Variants in OR2T6 observed in about 807,000 individuals in gnomAD.
OR2T6 encodes the protein olfactory receptor family 2 subfamily T member 6.
For synonymous variants in OR2T6, 174 were observed against 148.0 expected, an observed-to-expected ratio of 1.18 and a Z score of -1.27; for missense variants, 424 against 391.6, an observed-to-expected ratio of 1.08 and a Z score of -0.70.
intron 1 of OR2T6, among the ~76,000 whole-genome samples, chr1:248,383,496 A>C (rs879159520): frequency 3.0e-5 from 2 of 67,146 alleles, no homozygotes; most frequent in Admixed American, 2.8e-4. Context: ...TGCTCATCCT[A>C]TCCTGATGTG....
At chr1:248,381,824 C>G (rs1384569560) in intron 1 of OR2T6, among the ~76,000 whole-genome samples, 3 of 148,018 alleles carry the variant, frequency 2.0e-5, no homozygotes, top group African/African-American at 7.6e-5. Context: ...TTTGTTTCAT[C>G]TACAAAAATA....
At chr1:248,385,581 G>A (rs1661123667) in intron 2 of OR2T6, among the ~76,000 whole-genome samples, 1 of 152,148 alleles carries the variant, frequency 6.6e-6, no homozygotes, top group Admixed American at 6.5e-5. Flanking sequence ...GCATGATCAG[G>A]AAGAATGTTC....
chr1:248,382,517 T>C (rs374091680), intron 1 of OR2T6, among the ~76,000 whole-genome samples: 22 of 146,836 alleles, frequency 1.5e-4, no homozygotes, highest in East Asian at 3.9e-4. Context: ...CAATACTCCA[T>C]GTCTACCTTT....
At chr1:248,385,819 G>T (rs1661128243) in intron 2 of OR2T6, among the ~76,000 whole-genome samples, 1 of 152,136 alleles carries the variant, frequency 6.6e-6, no homozygotes, top group Admixed American at 6.5e-5. Context: ...CTCATTATCA[G>T]CATTCTCTCA....
At chr1:248,377,724 C>A (rs1025579329) in intron 1 of OR2T6, among the ~76,000 whole-genome samples, 4 of 152,162 alleles carry the variant, frequency 2.6e-5, no homozygotes, top group African/African-American at 9.7e-5. Context: ...ATCAGATTCA[C>A]GGATGCTCTG....
intron 1 of OR2T6, among the ~76,000 whole-genome samples, chr1:248,381,653 GTATC>G (rs1661035485): frequency 6.6e-6 from 1 of 151,948 alleles, no homozygotes; most frequent in Non-Finnish European, 1.5e-5. Flanking sequence ...AGATATATAT[GTATC>G]TATCTATTTC....
In OR2T6 at chr1:248,390,204, G is replaced by A. The variant is rs1661224576; in HGVS notation, c.*1669G>A. On this transcript the variant is annotated 3_prime_UTR_variant, in exon 3 of 3. Transcript: ENST00000641644. ...ATAAAATAAAGTCTTTTTCTAAGAT[G>A]GAGTTGGCTACGTCAAGGGTGTTCT... is the stretch of plus-strand genomic sequence containing the variant. The A allele has an allele frequency of 6.6e-6, 1 of 152,166 alleles. No homozygotes were observed. The highest frequency in any genetic ancestry group is 2.4e-5 in the African/African-American group (1 of 41,436). The allele number at this position is 152,166 out of a possible 1,614,324, so 9.4% of individuals were successfully genotyped here.
intron 1 of OR2T6, among the ~76,000 whole-genome samples, chr1:248,376,844 G>A (rs1660946043): frequency 6.6e-6 from 1 of 151,908 alleles, no homozygotes; most frequent in Non-Finnish European, 1.5e-5. Context: ...TTCTGTTGTT[G>A]CCATCTTTAT....
chr1:248,379,664 C>A (rs1660999960), intron 1 of OR2T6, among the ~76,000 whole-genome samples: 1 of 152,010 alleles, frequency 6.6e-6, no homozygotes, highest in Admixed American at 6.6e-5. Context: ...TGAGAGTTTT[C>A]TGTCTTTTGA....
At chr1:248,384,440 C>T (rs1477585318) in intron 1 of OR2T6, among the ~76,000 whole-genome samples, 5 of 64,420 alleles carry the variant, frequency 7.8e-5, no homozygotes, top group African/African-American at 4.5e-4. Context: ...CCTGAGTGTG[C>T]TCATCCTCTC....
intron 2 of OR2T6, among the ~76,000 whole-genome samples, chr1:248,386,528 G>C (rs1661138976): frequency 6.6e-6 from 1 of 151,902 alleles, no homozygotes; most frequent in Non-Finnish European, 1.5e-5. Flanking sequence ...GAGATAAAAA[G>C]AAAAAAACAG....
Position 248,387,784 on chromosome 1 carries a change from TG to T in OR2T6, c.177del (p.Met59IlefsTer25), listed in dbSNP as rs1284258279. ...ATAGACCCTCATCTCCACACCCCCA[TG>T]TACTTCCTCCTCAGCCACCTCTCCG... ...INIDPHLHTP[M>X]YFLLSHLSVI... On this transcript the variant is annotated frameshift_variant, in exon 3 of 3. Transcript: ENST00000641644. LOFTEE classifies it low-confidence loss of function (END_TRUNC). 3 of 1,612,038 alleles carry T rather than the reference TG, an allele frequency of 1.9e-6. No individual in the cohort carries two copies. In the South Asian group the frequency reaches 3.3e-5, roughly 18 times the overall value.
intron 2 of OR2T6, 26 bp from the exon 3 acceptor site, chr1:248,387,579 T>G (rs1227279816): frequency 4.4e-5 from 61 of 1,383,920 alleles, no homozygotes; most frequent in Non-Finnish European, 6.0e-5. Flanking sequence ...CCTGCTTCTC[T>G]TCTTATGCCT....
chr1:248,387,631 T>C lies in OR2T6; in HGVS notation c.23T>C (p.Leu8Ser). 1 of 1,591,222 alleles carries C rather than the reference T, an allele frequency of 6.3e-7. No homozygotes were observed. The highest frequency in any genetic ancestry group is 1.1e-5 in the South Asian group (1 of 89,440). The stretch of plus-strand genomic sequence containing the variant: ...ACCATGAATGAAAACAATGAAACCT[T>C]GACCAGAGGCTTTACCCTCATGGGG... MNENNET[L>S]TRGFTLMGLF... Residue 8 changes from leucine (L) to serine (S), a missense_variant, in exon 3 of 3, where the codon TTG (leucine) becomes TCG (serine). Coordinates refer to ENST00000641644, the MANE Select transcript of OR2T6 (RefSeq NM_001005471.2).
intron 1 of OR2T6, among the ~76,000 whole-genome samples, chr1:248,376,322 A>C (rs948656518): frequency 2.0e-5 from 3 of 152,250 alleles, no homozygotes; most frequent in African/African-American, 7.2e-5. Context: ...TGTTTACTTT[A>C]AGAAGATTTG....
chr1:248,391,301 A>T lies in OR2T6; in HGVS notation c.*2766A>T, dbSNP rs2103074456. On this transcript the variant is annotated 3_prime_UTR_variant, in exon 3 of 3. Coordinates refer to ENST00000641644, the MANE Select transcript of OR2T6 (RefSeq NM_001005471.2). ...TAGTGTTAAAAATAAATGATTTATC[A>T]AGCCATTGGAAGACATGGAGGAAAT... 6.6e-6 allele frequency: 1 copy of T among 152,352 alleles called. No homozygotes were observed. Among genetic ancestry groups the T allele is most frequent in the Admixed American group, 6.5e-5 (1 of 15,296 alleles). The allele number at this position is 152,352 out of a possible 1,614,324, so 9.4% of individuals were successfully genotyped here. A position where few individuals can be genotyped will look rare whatever the true frequency, so the allele number is the denominator to read the frequency against.
intron 2 of OR2T6, among the ~76,000 whole-genome samples, chr1:248,385,998 A>G (rs1395714935): frequency 6.6e-6 from 1 of 152,206 alleles, no homozygotes; most frequent in African/African-American, 2.4e-5. Flanking sequence ...ATTAGGGCAC[A>G]TTGCAAATGA....
intron 1 of OR2T6, among the ~76,000 whole-genome samples, chr1:248,381,042 G>A (rs368275271): frequency 2.6e-5 from 4 of 151,896 alleles, no homozygotes; most frequent in African/African-American, 9.7e-5. Context: ...GAATGATGTT[G>A]TAGCCATGAT....
At position 248,388,207 on chromosome 1, in the gene OR2T6, A is replaced by G. The variant is rs768498819; in HGVS notation, c.599A>G (p.Tyr200Cys). 8.1e-6 allele frequency: 13 copies of G among 1,613,372 alleles called. No homozygotes were observed. Among genetic ancestry groups the G allele is most frequent in the Non-Finnish European group, 6.8e-6 (8 of 1,179,930 alleles). The change falls in exon 3 of 3, where the codon TAT becomes TGT. Residue 200 changes from tyrosine (Y) to cysteine (C), a missense_variant. Transcript: ENST00000641644. ...GDKTTYETVM[Y>C]VCCVAMLLIP... ...AAAACCACCTATGAAACAGTGATGT[A>G]TGTGTGCTGCGTTGCAATGCTGCTG... is the stretch of plus-strand genomic sequence containing the variant.
Sources: allele counts gnomAD v4.1 joint callset (sites outside exome capture counted in the v4.1 genomes callset), GRCh38; gene constraint gnomAD v4.1.1; transcripts MANE v1.5; gene names NCBI Gene and HGNC (gene_info 2026-07-23, HGNC 2026-07-21).